Variants in MCTP1 observed in about 807,000 individuals in gnomAD.
MCTP1 encodes multiple C2 and transmembrane domain-containing protein 1.
In MCTP1, 69 loss-of-function variants were observed where a neutral mutation model predicts 120.6. That is an observed-to-expected ratio of 0.57 (90% CI 0.47 to 0.70). MCTP1 has a LOEUF of 0.70. Ranked by LOEUF, MCTP1 falls within the 30% of genes least tolerant of loss-of-function variation. MCTP1 has a pLI of 0.00. For missense variants in MCTP1, 1,203 were observed against 1,248.8 expected, an observed-to-expected ratio of 0.96 and a Z score of 0.55; for synonymous variants, 529 against 493.1, an observed-to-expected ratio of 1.07 and a Z score of -0.96.
In MCTP1 at chr5:94,975,682, G is replaced by A. The variant is rs73774817; in HGVS notation, c.839-22321C>T. ...CAGACATCCCATCTATAGAATATTT[G>A]CACCATCTCAAAGTCACAGCCTCTC... On this transcript the variant is annotated intron_variant, in intron 2 of 22. Coordinates refer to ENST00000515393, the MANE Select transcript of MCTP1 (RefSeq NM_024717.7). Among the ~76,000 whole-genome samples, 761 of 151,940 alleles carry A rather than the reference G, an allele frequency of 5.0e-3. 7 individuals are homozygous for A. Among genetic ancestry groups the A allele is most frequent in the African/African-American group, 0.017 (708 of 41,456 alleles).
chr5:95,085,417 T>TG (rs3031203), intron 1 of MCTP1, among the ~76,000 whole-genome samples: 1 of 151,110 alleles, frequency 6.6e-6, no homozygotes, highest in African/African-American at 2.4e-5. Flanking sequence ...TTTTTTTTTT[T>TG]GCTTAGCATT....
intron 1 of MCTP1, among the ~76,000 whole-genome samples, chr5:95,151,130 C>CATATAT (rs3037035): frequency 0.026 from 3,277 of 125,812 alleles, 57 homozygotes; most frequent in South Asian, 0.036. Flanking sequence ...ACGCCTGGCT[C>CATATAT]ATATATATAT....
Position 94,749,654 on chromosome 5 carries a change from CAAAAAAAAAAA to C in MCTP1, c.2610+29445_2610+29455del, listed in dbSNP as rs57404381. Among the ~76,000 whole-genome samples, 7 of 50,940 alleles carry C rather than the reference CAAAAAAAAAAA, an allele frequency of 1.4e-4. 1 individual carries two copies. The highest frequency in any genetic ancestry group is 1.6e-4 in the African/African-American group (2 of 12,584). 33.4% of individuals were successfully genotyped at this position (50,940 alleles called of 152,430 possible). On this transcript the variant is annotated intron_variant, in intron 19 of 22. Coordinates refer to ENST00000515393, the MANE Select transcript of MCTP1 (RefSeq NM_024717.7). ...TGGGTGACAGAGCAAGACTTCATCT[CAAAAAAAAAAA>C]AAAAAAAAAAAAAAAAAAAAATATC...
chr5:94,902,193 C>T (rs770756696), intron 10 of MCTP1, among the ~76,000 whole-genome samples: 1 of 152,040 alleles, frequency 6.6e-6, no homozygotes, highest in Non-Finnish European at 1.5e-5. Flanking sequence ...TAGAAGATAA[C>T]ACTAATTGAA....
intron 10 of MCTP1, among the ~76,000 whole-genome samples, chr5:94,906,352 G>A (rs1806914093): frequency 6.6e-6 from 1 of 152,108 alleles, no homozygotes; most frequent in Non-Finnish European, 1.5e-5. Context: ...CGGGCATGGT[G>A]GTGCATGCTT....
intron 1 of MCTP1, among the ~76,000 whole-genome samples, chr5:95,213,280 A>G (rs1453304481): frequency 1.3e-5 from 2 of 152,210 alleles, no homozygotes; most frequent in African/African-American, 4.8e-5. Context: ...CAAAGAGAAT[A>G]AAATACCTAG....
At chr5:94,755,216 C>T (rs1454084177) in intron 19 of MCTP1, among the ~76,000 whole-genome samples, 3 of 152,220 alleles carry the variant, frequency 2.0e-5, no homozygotes, top group Non-Finnish European at 2.9e-5. Flanking sequence ...TGCTCCTCAC[C>T]GGGAGGATCC....
At chr5:95,183,325 T>A (rs1345780741) in intron 1 of MCTP1, among the ~76,000 whole-genome samples, 1 of 151,648 alleles carries the variant, frequency 6.6e-6, no homozygotes, top group Non-Finnish European at 1.5e-5. Flanking sequence ...GCCTTAAAAC[T>A]TCTAGAATGA....
At chr5:94,824,326 G>A (rs1032605425) in intron 17 of MCTP1, among the ~76,000 whole-genome samples, 6 of 152,186 alleles carry the variant, frequency 3.9e-5, no homozygotes, top group Non-Finnish European at 7.4e-5. Flanking sequence ...CATTGGTTCT[G>A]TTTTTGTGAT....
intron 1 of MCTP1, among the ~76,000 whole-genome samples, chr5:95,049,393 C>T (rs1745336522): frequency 6.6e-6 from 1 of 152,124 alleles, no homozygotes; most frequent in Admixed American, 6.6e-5. Flanking sequence ...AGATGCCTCA[C>T]ATGAACAAAT....
chr5:94,711,931 TAAAG>T (rs1283917529), intron 20 of MCTP1, among the ~76,000 whole-genome samples: 5 of 152,026 alleles, frequency 3.3e-5, no homozygotes, highest in Admixed American at 2.6e-4. Flanking sequence ...GCCAAAATCA[TAAAG>T]AAAATAGAAA....
chr5:95,283,258 T>C (rs1204930781), intron 1 of MCTP1, among the ~76,000 whole-genome samples: 1 of 152,208 alleles, frequency 6.6e-6, no homozygotes, highest in Admixed American at 6.5e-5. Flanking sequence ...ACAAGGCTCA[T>C]AGGAACATAT....
At chr5:95,064,707 T>C (rs1347888775) in intron 1 of MCTP1, among the ~76,000 whole-genome samples, 25 of 152,202 alleles carry the variant, frequency 1.6e-4, no homozygotes, top group Admixed American at 1.3e-3. Flanking sequence ...GGTGTACCAG[T>C]ATAACATGTA....
At chr5:94,708,373 T>A (rs1207465351) in intron 22 of MCTP1, 139 bp downstream of exon 22, 2 of 538,186 alleles carry the variant, frequency 3.7e-6, no homozygotes, top group Non-Finnish European at 6.6e-6. Flanking sequence ...AATTTCTGAC[T>A]GGTAAAATCT....
Position 94,709,776 on chromosome 5 carries a change from C to T in MCTP1, c.2830+1042G>A, listed in dbSNP as rs193302624. ...AATAATTACCATTTCCCCCACCTCT[C>T]ACCCAGACTGAAAGGGTAATTATAG... On this transcript the variant is annotated intron_variant, in intron 21 of 22. Coordinates refer to ENST00000515393, the MANE Select transcript of MCTP1 (RefSeq NM_024717.7). 5 of 152,162 alleles carry T rather than the reference C, an allele frequency of 3.3e-5. No homozygotes were observed. The East Asian group carries it at 9.7e-4, about 30-fold the overall frequency. 9.4% of individuals were successfully genotyped at this position (152,162 alleles called of 1,614,324 possible).
chr5:94,912,732 A>G (rs2153444091), intron 9 of MCTP1, 74 bp downstream of exon 9: 1 of 1,204,502 alleles, frequency 8.3e-7, no homozygotes. Context: ...TAGTGGTTTC[A>G]TCTCCTAAAG....
chr5:94,815,897 C>T (rs1784396858), intron 17 of MCTP1, among the ~76,000 whole-genome samples: 1 of 152,136 alleles, frequency 6.6e-6, no homozygotes, highest in Non-Finnish European at 1.5e-5. Flanking sequence ...GCAAAACACA[C>T]GTCATACCAT....
At chr5:95,126,561 G>C (rs1187517228) in intron 1 of MCTP1, among the ~76,000 whole-genome samples, 3 of 152,128 alleles carry the variant, frequency 2.0e-5, no homozygotes, top group African/African-American at 2.4e-5. Flanking sequence ...AACACCCCCT[G>C]TGTGCACACA....
intron 17 of MCTP1, among the ~76,000 whole-genome samples, chr5:94,832,858 C>T (rs907302065): frequency 2.6e-5 from 4 of 152,160 alleles, no homozygotes; most frequent in Admixed American, 6.5e-5. Context: ...GCCTAAATAA[C>T]GGTTAAAACA....
Sources: gnomAD v4.1 joint callset for allele counts (sites outside exome capture counted in the v4.1 genomes callset) on GRCh38, gnomAD v4.1.1 for gene constraint, MANE v1.5 for transcripts, NCBI Gene and HGNC (gene_info 2026-07-23, HGNC 2026-07-21) for gene names.